The following HTT-AS variants were observed in gnomAD, a reference collection of about 807,000 sequenced individuals.
The protein encoded by HTT-AS is HTT antisense RNA (head to head).
At chr4:3,052,602 A>G (rs1199078382) in intron 2 of HTT-AS, among the ~76,000 whole-genome samples, 2 of 152,192 alleles carry the variant, frequency 1.3e-5, no homozygotes, top group Non-Finnish European at 2.9e-5. Context: ...TTGGTGTGTA[A>G]TAACTAGGCA....
intron 1 of HTT-AS, among the ~76,000 whole-genome samples, chr4:3,071,849 G>A (rs1180237492): frequency 6.6e-6 from 1 of 152,202 alleles, no homozygotes; most frequent in African/African-American, 2.4e-5. Context: ...GTCAAGGACA[G>A]GGCTCAGGGG....
intron 1 of HTT-AS, among the ~76,000 whole-genome samples, chr4:3,068,881 C>A (rs1278790906): frequency 6.6e-6 from 1 of 152,044 alleles, no homozygotes; most frequent in Non-Finnish European, 1.5e-5. Context: ...TCTTGAACAC[C>A]TGACCTCAGG....
At chr4:3,046,171 C>T (rs1340756327), downstream of HTT-AS, among the ~76,000 whole-genome samples, 5 of 152,108 alleles carry the variant, frequency 3.3e-5, no homozygotes, top group South Asian at 2.1e-4. Context: ...GAGCAATGAA[C>T]GATTCACGAA....
intron 1 of HTT-AS, among the ~76,000 whole-genome samples, chr4:3,067,870 C>T (rs988692183): frequency 6.6e-6 from 1 of 152,212 alleles, no homozygotes; most frequent in Non-Finnish European, 1.5e-5. Flanking sequence ...TCTCTCCTTA[C>T]ACCCCCAGAC....
chr4:3,071,056 A>G (rs970575186), intron 1 of HTT-AS, among the ~76,000 whole-genome samples: 1 of 152,190 alleles, frequency 6.6e-6, no homozygotes, highest in Non-Finnish European at 1.5e-5. Flanking sequence ...ATGATAGTCA[A>G]TTCTAGGCAG....
chr4:3,049,646 G>A (rs1711663904), exon 3 of HTT-AS, among the ~76,000 whole-genome samples: 3 of 152,092 alleles, frequency 2.0e-5, no homozygotes, highest in Non-Finnish European at 4.4e-5. Flanking sequence ...TTGCAGTGCG[G>A]ATGGCAAGGA....
intron 1 of HTT-AS, among the ~76,000 whole-genome samples, chr4:3,068,689 CTG>C (rs1465359612): frequency 1.4e-5 from 2 of 143,546 alleles, no homozygotes; most frequent in African/African-American, 5.3e-5. Context: ...GATTCTCACT[CTG>C]TCGCCCAGGC....
At chr4:3,052,634 C>T (rs557679958) in intron 2 of HTT-AS, among the ~76,000 whole-genome samples, 1 of 152,104 alleles carries the variant, frequency 6.6e-6, no homozygotes, top group Non-Finnish European at 1.5e-5. Context: ...TTAGGGATGT[C>T]TAATGGCAGT....
chr4:3,050,791 T>G (rs1711686509), intron 2 of HTT-AS, among the ~76,000 whole-genome samples: 1 of 152,090 alleles, frequency 6.6e-6, no homozygotes, highest in Non-Finnish European at 1.5e-5. Context: ...AAACATTATT[T>G]TTTGACAATG....
intron 2 of HTT-AS, among the ~76,000 whole-genome samples, chr4:3,052,443 G>A (rs899796451): frequency 1.5e-4 from 23 of 152,092 alleles, no homozygotes. Flanking sequence ...CAGAGACCCC[G>A]TTTTGGGAAA....
At chr4:3,069,549 C>T (rs1478513576) in intron 1 of HTT-AS, among the ~76,000 whole-genome samples, 3 of 152,230 alleles carry the variant, frequency 2.0e-5, no homozygotes, top group East Asian at 3.9e-4. Context: ...TACAGAAAGA[C>T]TGACCTCACG....
At chr4:3,052,441 C>T (rs1298503275) in intron 2 of HTT-AS, among the ~76,000 whole-genome samples, 1 of 152,100 alleles carries the variant, frequency 6.6e-6, no homozygotes, top group South Asian at 2.1e-4. Context: ...GCCAGAGACC[C>T]CGTTTTGGGA....
chr4:3,073,963 G>T (rs1279688823), intron 1 of HTT-AS, among the ~76,000 whole-genome samples: 1 of 152,030 alleles, frequency 6.6e-6, no homozygotes, highest in East Asian at 1.9e-4. Flanking sequence ...CGTCGGCGGG[G>T]GATCCTTTCC....
intron 2 of HTT-AS, among the ~76,000 whole-genome samples, chr4:3,057,057 A>G (rs541723773): frequency 6.7e-6 from 1 of 149,622 alleles, no homozygotes; most frequent in East Asian, 2.0e-4. Flanking sequence ...TTTTTGAGGC[A>G]GAGTCTCGCT....
chr4:3,069,423 TG>T (rs1215148698), intron 1 of HTT-AS, among the ~76,000 whole-genome samples: 1 of 152,038 alleles, frequency 6.6e-6, no homozygotes, highest in African/African-American at 2.4e-5. Context: ...CTCAAAGTGC[TG>T]GGATTACAGG....
intron 2 of HTT-AS, among the ~76,000 whole-genome samples, chr4:3,052,625 T>C (rs1416997186): frequency 1.3e-5 from 2 of 152,204 alleles, no homozygotes; most frequent in Non-Finnish European, 2.9e-5. Flanking sequence ...AAATATACTT[T>C]AGGGATGTCT....
At chr4:3,074,307 ACCACGCCCCCCGCATCG>A (rs574508305) in intron 1 of HTT-AS, 770 of 45,262 alleles carry the variant, frequency 0.017, 6 homozygotes, top group Middle Eastern at 0.071. Flanking sequence ...CCCCTACCTC[ACCACGCCCCCCGCATCG>A]CCACGCCCCC....
chr4:3,072,539 C>T (rs1252112503), intron 1 of HTT-AS, among the ~76,000 whole-genome samples: 2 of 152,220 alleles, frequency 1.3e-5, no homozygotes, highest in Non-Finnish European at 2.9e-5. Flanking sequence ...CTGGGGCCAT[C>T]TTATGAGTCT....
intron 2 of HTT-AS, among the ~76,000 whole-genome samples, chr4:3,057,870 G>A (rs371234212): frequency 2.6e-5 from 4 of 151,760 alleles, no homozygotes; most frequent in South Asian, 2.1e-4. Flanking sequence ...TGATCCGCCC[G>A]CCTCAGCCTC....
Sources: gnomAD v4.1 joint callset for allele counts (sites outside exome capture counted in the v4.1 genomes callset) on GRCh38, gnomAD v4.1.1 for gene constraint, MANE v1.5 for transcripts, NCBI Gene and HGNC (gene_info 2026-07-23, HGNC 2026-07-21) for gene names.